Variants in SIRPB1 observed in about 807,000 individuals in gnomAD.
SIRPB1 encodes the protein signal regulatory protein beta 1, also known as signal-regulatory protein beta-1.
SIRPB1 carries 28 observed loss-of-function variants against 34.1 expected under a neutral mutation model. The observed-to-expected ratio is 0.82, with a 90% CI of 0.61 to 1.12. The LOEUF (loss-of-function observed/expected upper bound fraction) is 1.12. SIRPB1 is among the 50% of genes most tolerant of loss of function. SIRPB1 has a pLI of 0.00. For synonymous variants in SIRPB1, 211 were observed against 203.8 expected (o/e 1.04, Z -0.30); for missense variants, 499 against 507.0 (o/e 0.98, Z 0.15).
intron 2 of SIRPB1, among the ~76,000 whole-genome samples, chr20:1,577,454 T>C (rs1042587628): frequency 6.8e-6 from 1 of 147,704 alleles, no homozygotes; most frequent in African/African-American, 2.5e-5. Flanking sequence ...ATGCCAGAAT[T>C]CAGCAGTTAA....
rs2091223144 is a variant in SIRPB1 at position 1,570,933 on chromosome 20, G to A, written c.956C>T (p.Thr319Ile). ...CACCACATCGTCCCTGTGGGCACAGGTGTTCACCAGGAGCCAGCTCATCCA... is the reference window on the plus strand; with the variant it reads ...CACCACATCGTCCCTGTGGGCACAGATGTTCACCAGGAGCCAGCTCATCCA... ...YNWMSWLLVN[T>I]CAHRDDVVLT... is the part of the protein sequence containing the mutation. Residue 319 changes from threonine to isoleucine, a missense_variant, in exon 4 of 6, where the codon ACC becomes ATC. Physicochemically the swap from Thr to Ile is moderately conservative, Grantham distance 89 (BLOSUM62 -1). Coordinates refer to ENST00000381605, the MANE Select transcript of SIRPB1 (RefSeq NM_006065.5). 7.4e-6 allele frequency: 12 copies of A among 1,614,190 alleles called. No homozygotes were observed. Among genetic ancestry groups the A allele is most frequent in the Non-Finnish European group, 9.3e-6 (11 of 1,180,030 alleles).
intron 1 of SIRPB1, among the ~76,000 whole-genome samples, chr20:1,590,898 CAAT>C (rs201390207): frequency 0.032 from 1,558 of 49,026 alleles, 735 homozygotes; most frequent in African/African-American, 0.2. Flanking sequence ...TCAAGAAAAA[CAAT>C]AACTCAAAAA....
intron 4 of SIRPB1, among the ~76,000 whole-genome samples, chr20:1,567,902 T>C (rs1484003156): frequency 6.6e-6 from 1 of 152,214 alleles, no homozygotes; most frequent in Non-Finnish European, 1.5e-5. Flanking sequence ...CAGATTCTTA[T>C]TTCTTGGAGC....
chr20:1,600,917 G>T lies in SIRPB1; in HGVS notation c.76+18952C>A, dbSNP rs1464827436. Among the ~76,000 whole-genome samples the T allele has an allele frequency of 4.1e-5, 2 of 49,316 alleles. 1 individual carries two copies. Among genetic ancestry groups the T allele is most frequent in the Non-Finnish European group, 7.8e-5 (2 of 25,530 alleles). The allele number at this position is 49,316 out of a possible 152,430, so 32.4% of individuals were successfully genotyped here. On this transcript the variant is annotated intron_variant, in intron 1 of 5. Coordinates refer to ENST00000381605, the MANE Select transcript of SIRPB1 (RefSeq NM_006065.5). The stretch of plus-strand genomic sequence containing the variant: ...GCAGGCCCTGGCTTGCAGCTATGGT[G>T]CAATTAATAAAACTTTCACTGTCAG...
chr20:1,579,713 T>A (rs2091375369), intron 1 of SIRPB1, among the ~76,000 whole-genome samples: 1 of 148,516 alleles, frequency 6.7e-6, no homozygotes, highest in Admixed American at 6.7e-5. Flanking sequence ...ACTTAGTGTG[T>A]TAAAAGAAAT....
chr20:1,599,867 A>G lies in SIRPB1; in HGVS notation c.76+20002T>C, dbSNP rs2091469491. ...TATAAAAGTGTCTGCTTTCTTCTCC[A>G]AAGGGGAAGCAGCACATTTGAAAGC... On this transcript the variant is annotated intron_variant, in intron 1 of 5. Transcript: ENST00000381605. 4.0e-5 allele frequency among the ~76,000 whole-genome samples: 2 copies of G among 50,526 alleles called. 1 individual carries two copies. The highest frequency in any genetic ancestry group is 7.7e-5 in the Non-Finnish European group (2 of 25,822). 33.1% of individuals were successfully genotyped at this position (50,526 alleles called of 152,430 possible).
intron 1 of SIRPB1, among the ~76,000 whole-genome samples, chr20:1,618,620 T>C (rs891929543): frequency 2.0e-5 from 3 of 152,224 alleles, no homozygotes; most frequent in African/African-American, 7.2e-5. Context: ...GTGAGACCCC[T>C]GCCCTCTAGG....
At chr20:1,579,809 C>CA (rs2091376675) in intron 1 of SIRPB1, among the ~76,000 whole-genome samples, 1 of 147,870 alleles carries the variant, frequency 6.8e-6, no homozygotes, top group South Asian at 2.1e-4. Flanking sequence ...GTCAAATACA[C>CA]AAAGATAGAG....
Position 1,596,831 on chromosome 20 carries a change from A to T in SIRPB1, c.77-18137T>A, listed in dbSNP as rs1244102553. Among the ~76,000 whole-genome samples the T allele has an allele frequency of 1.2e-4, 6 of 49,156 alleles. 3 individuals carry two copies. The highest frequency in any genetic ancestry group is 2.4e-4 in the Non-Finnish European group (6 of 25,468). The allele number at this position is 49,156 out of a possible 152,430, so 32.2% of individuals were successfully genotyped here. The stretch of plus-strand genomic sequence containing the variant: ...TCTATAAGCGGTCCAGGAGGAGATG[A>T]TGCTAGCTGGGACCATGGAGGAGTG... On this transcript the variant is annotated intron_variant, in intron 1 of 5. Transcript: ENST00000381605.
rs1032860682 is a variant in SIRPB1 at position 1,562,455 on chromosome 20, C to T, written c.*3045G>A. Among the ~76,000 whole-genome samples the T allele has an allele frequency of 3.3e-5, 5 of 151,748 alleles. No individual in the cohort carries two copies. The highest frequency in any genetic ancestry group is 4.8e-5 in the African/African-American group (2 of 41,336). ...ATCCTCCCCCACCCCCAACCCCCCA[C>T]GATATAACTGACATTCCATTTGCGT... On this transcript the variant is annotated 3_prime_UTR_variant, in exon 6 of 6. Coordinates refer to ENST00000381605, the MANE Select transcript of SIRPB1 (RefSeq NM_006065.5).
chr20:1,578,135 A>T (rs2091343744), intron 2 of SIRPB1: 1 of 608,326 alleles, frequency 1.6e-6, no homozygotes, highest in Non-Finnish European at 2.9e-6. Context: ...CTGTCCCATC[A>T]TTTACAAGCC....
chr20:1,615,771 C>T (rs2091620465), intron 1 of SIRPB1, among the ~76,000 whole-genome samples: 1 of 152,128 alleles, frequency 6.6e-6, no homozygotes, highest in Non-Finnish European at 1.5e-5. Context: ...GAAATGTGGA[C>T]ATCTTTTTGT....
intron 2 of SIRPB1, among the ~76,000 whole-genome samples, chr20:1,576,779 C>T (rs2091318166): frequency 6.7e-6 from 1 of 148,352 alleles, no homozygotes; most frequent in Non-Finnish European, 1.5e-5. Flanking sequence ...TAGCTCAAGT[C>T]TGTAATCTCT....
chr20:1,617,742 T>A (rs2122338628), intron 1 of SIRPB1, among the ~76,000 whole-genome samples: 1 of 152,304 alleles, frequency 6.6e-6, no homozygotes, highest in South Asian at 2.1e-4. Context: ...TAGCTCAAAT[T>A]AGGCATTCTG....
chr20:1,566,572 T>C (rs979740826), intron 4 of SIRPB1, among the ~76,000 whole-genome samples: 2 of 152,188 alleles, frequency 1.3e-5, no homozygotes, highest in African/African-American at 4.8e-5. Context: ...CACACGCCCA[T>C]GGGGCAGGGA....
intron 1 of SIRPB1, 56 bp from the exon 2 acceptor site, chr20:1,578,750 C>G (rs2091359326): frequency 7.1e-7 from 1 of 1,411,822 alleles, no homozygotes; most frequent in African/African-American, 1.4e-5. Context: ...CTCTGTGTTT[C>G]CTCAAGTGTT....
At chr20:1,572,114 A>G (rs1422434427) in intron 2 of SIRPB1, 77 bp from the exon 3 acceptor site, 13 of 1,602,278 alleles carry the variant, frequency 8.1e-6, no homozygotes, top group Admixed American at 3.4e-5. Context: ...ACATGTTAAG[A>G]ACCTTCTGAG....
At chr20:1,602,004 T>C in intron 1 of SIRPB1, among the ~76,000 whole-genome samples, 1 of 47,880 alleles carries the variant, frequency 2.1e-5, no homozygotes, top group Non-Finnish European at 4.0e-5. Context: ...AAATCCCCAC[T>C]TCAAGAAACT....
chr20:1,576,605 C>A (rs1021075722), intron 2 of SIRPB1, among the ~76,000 whole-genome samples: 2 of 148,352 alleles, frequency 1.3e-5, no homozygotes, highest in African/African-American at 4.9e-5. Flanking sequence ...AAACCACTGT[C>A]TTAAAAATGT....
Sources: gnomAD v4.1 joint callset for allele counts (sites outside exome capture counted in the v4.1 genomes callset) on GRCh38, gnomAD v4.1.1 for gene constraint, MANE v1.5 for transcripts, NCBI Gene and HGNC (gene_info 2026-07-23, HGNC 2026-07-21) for gene names.